PSMB3: variants seen among roughly 807,000 people sequenced by gnomAD.
PSMB3 encodes the protein proteasome subunit beta type-3.
PSMB3 carries 5 observed loss-of-function variants against 23.3 expected under a neutral mutation model. The ratio of observed to expected loss-of-function variants is 0.21; its 90% CI spans 0.11 to 0.45. PSMB3 has a LOEUF of 0.45. PSMB3 is among the 20% of genes least tolerant of loss of function. The pLI is 0.99. For synonymous variants in PSMB3, 85 were observed against 99.8 expected, an observed-to-expected ratio of 0.85 and a Z score of 0.88; for missense variants, 192 against 277.9, an observed-to-expected ratio of 0.69 and a Z score of 2.20.
Position 38,753,409 on chromosome 17 carries a change from G to A in PSMB3, c.188+75G>A. ...CAACCCCGGCGTCTTGACCGGCCAA[G>A]GTGTCAGTCATCTACCACACACCAC... On this transcript the variant is annotated intron_variant, in intron 2 of 5. Coordinates refer to ENST00000619426, the MANE Select transcript of PSMB3 (RefSeq NM_002795.4). 3 of 1,482,596 alleles carry A rather than the reference G, an allele frequency of 2.0e-6. No individual in the cohort carries two copies. The South Asian group carries it at 3.8e-5, about 19-fold the overall frequency. The allele number at this position is 1,482,596 out of a possible 1,614,324, so 91.8% of individuals were successfully genotyped here.
intron 2 of PSMB3, 79 bp from the exon 3 acceptor site, chr17:38,755,804 A>C (rs1416149230): frequency 8.1e-6 from 10 of 1,231,920 alleles, no homozygotes; most frequent in Non-Finnish European, 1.2e-5. Context: ...ATGTCTCCTT[A>C]TGTTTCCCTG....
intron 5 of PSMB3, 118 bp from the exon 6 acceptor site, chr17:38,764,001 A>G: frequency 8.7e-7 from 1 of 1,154,908 alleles, no homozygotes; most frequent in Non-Finnish European, 1.3e-6. Context: ...GCGGGCAGCT[A>G]TTTGTTCTGC....
chr17:38,755,009 T>C (rs1415990531), intron 2 of PSMB3, among the ~76,000 whole-genome samples: 2 of 151,826 alleles, frequency 1.3e-5, no homozygotes, highest in Non-Finnish European at 2.9e-5. Context: ...CCCCCTTTTT[T>C]TTTTTTTTGT....
At chr17:38,764,039 G>A (rs1291587965) in intron 5 of PSMB3, 80 bp from the exon 6 acceptor site, 1 of 1,563,898 alleles carries the variant, frequency 6.4e-7, no homozygotes, top group East Asian at 2.2e-5. Flanking sequence ...TGAGGGCTTG[G>A]TGCTGAGGGC....
In PSMB3 at chr17:38,755,815, A is replaced by G. The variant is rs557313310; in HGVS notation, c.189-68A>G. The G allele has an allele frequency of 1.3e-5, 17 of 1,353,118 alleles. No homozygotes were observed. The African/African-American group carries it at 2.3e-4, about 18-fold the overall frequency. 83.8% of individuals were successfully genotyped at this position (1,353,118 alleles called of 1,614,324 possible). On this transcript the variant is annotated intron_variant, in intron 2 of 5. Transcript: ENST00000619426. The stretch of plus-strand genomic sequence containing the variant: ...TGAGATGTCTCCTTATGTTTCCCTG[A>G]CCTCAACAGGGTAGACACTCAGGAA...
At chr17:38,755,860 AAC>A (rs1908174581) in intron 2 of PSMB3, 21 bp from the exon 3 acceptor site, 178 of 1,322,984 alleles carry the variant, frequency 1.3e-4, no homozygotes, top group Non-Finnish European at 1.8e-4. Context: ...ATGACTTACT[AAC>A]TCACTTTTCT....
chr17:38,757,916 A>T (rs1908275816), intron 3 of PSMB3, among the ~76,000 whole-genome samples: 1 of 151,988 alleles, frequency 6.6e-6, no homozygotes, highest in South Asian at 2.1e-4. Flanking sequence ...AGCCTCCCAA[A>T]GTGCTGGGAT....
intron 4 of PSMB3, chr17:38,761,906 TAAAAC>T (rs1484685879): frequency 6.5e-6 from 1 of 153,136 alleles, no homozygotes; most frequent in African/African-American, 2.4e-5. Flanking sequence ...CTTAGTCACT[TAAAAC>T]AGAAGCGAAG....
intron 2 of PSMB3, chr17:38,755,311 C>T (rs1315305211): frequency 6.6e-6 from 1 of 151,976 alleles, no homozygotes; most frequent in Non-Finnish European, 1.5e-5. Flanking sequence ...ATTTGCATGT[C>T]ATCCTTCTGC....
intron 3 of PSMB3, 81 bp downstream of exon 3, chr17:38,756,071 C>T (rs1908185877): frequency 1.7e-6 from 2 of 1,155,776 alleles, no homozygotes; most frequent in Admixed American, 1.9e-5. Context: ...GAAGAGGACT[C>T]TCCTTGTTTT....
chr17:38,754,030 C>A (rs1281099777), intron 2 of PSMB3, among the ~76,000 whole-genome samples: 1 of 152,058 alleles, frequency 6.6e-6, no homozygotes, highest in African/African-American at 2.4e-5. Flanking sequence ...AGGAAAAGAA[C>A]GGTGATAGGT....
chr17:38,755,682 ATGTGTGTGTGTGTGTG>A (rs67600372), intron 2 of PSMB3, among the ~76,000 whole-genome samples, 185 bp from the exon 3 acceptor site: 5 of 90,270 alleles, frequency 5.5e-5, no homozygotes, highest in Admixed American at 2.7e-4. Flanking sequence ...ATATATATAT[ATGTGTGTGTGTGTGTG>A]TGTGTGTGTG....
In PSMB3 at chr17:38,755,843, T is replaced by C. The variant is rs368036204; in HGVS notation, c.189-40T>C. ...TCAACAGGGTAGACACTCAGGAATA[T>C]TCAATAATGACTTACTAACTCACTT... is the stretch of plus-strand genomic sequence containing the variant. On this transcript the variant is annotated intron_variant, in intron 2 of 5. Coordinates refer to ENST00000619426, the MANE Select transcript of PSMB3 (RefSeq NM_002795.4). 4 of 1,539,658 alleles carry C rather than the reference T, an allele frequency of 2.6e-6. No homozygotes were observed. In the African/African-American group the frequency reaches 5.5e-5, roughly 21 times the overall value.
At chr17:38,759,897 C>T (rs541120726) in intron 3 of PSMB3, among the ~76,000 whole-genome samples, 1 of 152,172 alleles carries the variant, frequency 6.6e-6, no homozygotes, top group Admixed American at 6.6e-5. Context: ...TTCTGATGAG[C>T]TGCCATTTCC....
intron 3 of PSMB3, 128 bp downstream of exon 3, chr17:38,756,118 T>C (rs1036298225): frequency 5.1e-6 from 4 of 782,686 alleles, no homozygotes; most frequent in Non-Finnish European, 8.2e-6. Flanking sequence ...CCTTATTTTA[T>C]GGGTGTGTTT....
At chr17:38,762,318 TG>T (rs1320961667) in intron 4 of PSMB3, 92 bp from the exon 5 acceptor site, 1 of 1,066,026 alleles carries the variant, frequency 9.4e-7, no homozygotes, top group Non-Finnish European at 1.4e-6. Context: ...GGGCCAGAGC[TG>T]GGAATCTTGA....
intron 3 of PSMB3, among the ~76,000 whole-genome samples, chr17:38,759,923 TA>T (rs1439937222): frequency 6.6e-6 from 1 of 152,150 alleles, no homozygotes; most frequent in African/African-American, 2.4e-5. Flanking sequence ...ACAATGAGAG[TA>T]ACCCAGCCAC....
intron 2 of PSMB3, among the ~76,000 whole-genome samples, chr17:38,755,019 T>G (rs999261692): frequency 4.1e-5 from 6 of 148,016 alleles, no homozygotes; most frequent in Non-Finnish European, 6.0e-5. Flanking sequence ...TTTTTTTTTG[T>G]CACCCAGGCT....
chr17:38,753,773 C>T (rs1908042221), intron 2 of PSMB3, among the ~76,000 whole-genome samples: 1 of 152,224 alleles, frequency 6.6e-6, no homozygotes, highest in African/African-American at 2.4e-5. Context: ...GCCACCACAC[C>T]TGGCCTGACT....
Sources: gnomAD v4.1 joint callset for allele counts (sites outside exome capture counted in the v4.1 genomes callset) on GRCh38, gnomAD v4.1.1 for gene constraint, MANE v1.5 for transcripts, NCBI Gene and HGNC (gene_info 2026-07-23, HGNC 2026-07-21) for gene names.